Variants in KIRREL3 observed in about 807,000 individuals in gnomAD.
The protein encoded by KIRREL3 is kirre like nephrin family adhesion molecule 3, also known as kin of IRRE-like protein 3.
A neutral mutation model predicts 89.7 loss-of-function variants in KIRREL3; 36 were observed. The ratio of observed to expected loss-of-function variants is 0.40; its 90% CI spans 0.31 to 0.53. KIRREL3 has a LOEUF of 0.53. Ranked by LOEUF, KIRREL3 falls within the 20% of genes least tolerant of loss-of-function variation. KIRREL3 has a pLI of 0.49. For synonymous variants in KIRREL3, 445 were observed against 441.4 expected (o/e 1.01, Z -0.10); for missense variants, 864 against 1,056.6 (o/e 0.82, Z 2.53).
At chr11:126,823,668 C>T (rs971046060) in intron 1 of KIRREL3, among the ~76,000 whole-genome samples, 1 of 152,194 alleles carries the variant, frequency 6.6e-6, no homozygotes, top group Non-Finnish European at 1.5e-5. Flanking sequence ...AAATCAGTCT[C>T]CAGGCTTCTC....
At position 126,550,436 on chromosome 11, in the gene KIRREL3, C is replaced by G. The variant is rs1287531868; in HGVS notation, c.133+12399G>C. ...CTGAGGCGGGTGGATCACCCGAGGTCAGGAGTTTGAGACCAGCCTGCCCAA... is the reference window on the plus strand; with the variant it reads ...CTGAGGCGGGTGGATCACCCGAGGTGAGGAGTTTGAGACCAGCCTGCCCAA... On this transcript the variant is annotated intron_variant, in intron 2 of 16. Transcript: ENST00000525144. This position sits in a 1 kb window ranked among gnomAD's most constrained non-coding sequence, Gnocchi z 4.9. The G allele has an allele frequency of 6.6e-6, 1 of 152,202 alleles. No individual in the cohort carries two copies. Among genetic ancestry groups the G allele is most frequent in the Non-Finnish European group, 1.5e-5 (1 of 68,056 alleles). The allele number at this position is 152,202 out of a possible 1,614,324, so 9.4% of individuals were successfully genotyped here.
intron 1 of KIRREL3, among the ~76,000 whole-genome samples, chr11:126,886,122 G>A (rs570914493): frequency 6.6e-6 from 1 of 152,252 alleles, no homozygotes; most frequent in South Asian, 2.1e-4. Context: ...TAGTCCTAGT[G>A]AAGAGGCTAA....
At chr11:126,433,924 G>A (rs777562183) in intron 13 of KIRREL3, among the ~76,000 whole-genome samples, 1 of 152,238 alleles carries the variant, frequency 6.6e-6, no homozygotes, top group Non-Finnish European at 1.5e-5. Flanking sequence ...AGCATTGAAG[G>A]TGCCTTCCGA....
rs1331224532 is a variant in KIRREL3, at chr11:126,768,217, CCATCCATT to C, written c.56-205313_56-205306del. ...TCCATCCATCCATCCATCCATCCAT[CCATCCATT>C]CAATCTGTCCATCTGTCCATCCATA... is the stretch of plus-strand genomic sequence containing the variant. On this transcript the variant is annotated intron_variant, in intron 1 of 16. Transcript: ENST00000525144. The surrounding 1 kb of genome is among the most constrained non-coding windows in gnomAD (Gnocchi z 4.5). Among the ~76,000 whole-genome samples, 2 of 143,184 alleles carry C rather than the reference CCATCCATT, an allele frequency of 1.4e-5. No individual in the cohort carries two copies. The highest frequency in any genetic ancestry group is 2.3e-4 in the South Asian group (1 of 4,296). The allele number at this position is 143,184 out of a possible 152,430, so 93.9% of individuals were successfully genotyped here.
chr11:126,913,234 C>T (rs998940682), intron 1 of KIRREL3, among the ~76,000 whole-genome samples: 3 of 152,182 alleles, frequency 2.0e-5, no homozygotes, highest in African/African-American at 7.2e-5. Context: ...GGAAGGCAGT[C>T]ACTCCTCAAA....
chr11:126,531,121 C>A lies in KIRREL3; in HGVS notation c.134-4434G>T, dbSNP rs1297208233. Among the ~76,000 whole-genome samples, 1 of 152,196 alleles carries A rather than the reference C, an allele frequency of 6.6e-6. No individual in the cohort carries two copies. The highest frequency in any genetic ancestry group is 1.5e-5 in the Non-Finnish European group (1 of 68,034). ...GGGATTACGAGCGTGAGCCACCATG[C>A]CCGGCCCCATGCTTTGTTTTGAGTC... is the stretch of plus-strand genomic sequence containing the variant. On this transcript the variant is annotated intron_variant, in intron 2 of 16. Coordinates refer to ENST00000525144, the MANE Select transcript of KIRREL3 (RefSeq NM_032531.4). The surrounding 1 kb of genome is among the most constrained non-coding windows in gnomAD (Gnocchi z 4.7).
At chr11:126,787,069 G>A (rs1261765631) in intron 1 of KIRREL3, among the ~76,000 whole-genome samples, 1 of 152,194 alleles carries the variant, frequency 6.6e-6, no homozygotes, top group Admixed American at 6.5e-5. Flanking sequence ...CTGCATTAAT[G>A]GCAAGGAAAG....
chr11:126,725,445 C>G (rs895616716), intron 1 of KIRREL3, among the ~76,000 whole-genome samples: 1 of 152,212 alleles, frequency 6.6e-6, no homozygotes, highest in African/African-American at 2.4e-5. Context: ...TGCTAACACC[C>G]GCATGGGCAT....
chr11:126,549,711 A>G (rs2134526839), intron 2 of KIRREL3: 1 of 152,346 alleles, frequency 6.6e-6, no homozygotes, highest in South Asian at 2.1e-4. Flanking sequence ...TGCAGTTGAC[A>G]TAGTGGAGAC....
rs747492337 is a variant in KIRREL3 at position 126,684,653 on chromosome 11, C to G, written c.56-121741G>C. Among the ~76,000 whole-genome samples the G allele has an allele frequency of 3.9e-5, 6 of 152,222 alleles. No individual in the cohort carries two copies. Among genetic ancestry groups the G allele is most frequent in the Non-Finnish European group, 7.3e-5 (5 of 68,042 alleles). The stretch of plus-strand genomic sequence containing the variant: ...TAAATTCATTTCTTTGGGCCAGTCT[C>G]CTTTGTCTGCACTTGCTGAGAAGGC... On this transcript the variant is annotated intron_variant, in intron 1 of 16. Transcript: ENST00000525144. This position sits in a 1 kb window ranked among gnomAD's most constrained non-coding sequence, Gnocchi z 4.2.
rs2134665081 is a variant in KIRREL3, at chr11:126,870,463, C to T, written c.55+129992G>A. On this transcript the variant is annotated intron_variant, in intron 1 of 16. Coordinates refer to ENST00000525144, the MANE Select transcript of KIRREL3 (RefSeq NM_032531.4). The surrounding 1 kb of genome is among the most constrained non-coding windows in gnomAD (Gnocchi z 4.4). ...GAGAGCTCTCCCTGAAGCTTCCATCCCTGGCCTTTAGAGACCGAAGTCTCC... is the reference window on the plus strand; with the variant it reads ...GAGAGCTCTCCCTGAAGCTTCCATCTCTGGCCTTTAGAGACCGAAGTCTCC... 6.6e-6 allele frequency among the ~76,000 whole-genome samples: 1 copy of T among 152,298 alleles called. No homozygotes were observed. The highest frequency in any genetic ancestry group is 2.1e-4 in the South Asian group (1 of 4,824).
intron 1 of KIRREL3, among the ~76,000 whole-genome samples, chr11:126,972,168 T>TAGAGAGAGAGAGAG (rs61426707): frequency 0.077 from 9,218 of 119,506 alleles, 656 homozygotes; most frequent in South Asian, 0.11. Context: ...GAGGGTCTGG[T>TAGAGAGAGAGAGAG]AGAGAGAGAG....
intron 1 of KIRREL3, among the ~76,000 whole-genome samples, chr11:126,818,604 G>A (rs1951658539): frequency 1.4e-5 from 1 of 69,006 alleles, no homozygotes; most frequent in African/African-American, 9.9e-5. Context: ...CAGAAATTGT[G>A]TAGTAGTAGT....
rs7104836 is a variant in KIRREL3, at chr11:126,570,330, A to G, written c.56-7418T>C. Among the ~76,000 whole-genome samples, 19,572 of 152,188 alleles carry G rather than the reference A, an allele frequency of 0.13. 1,514 individuals are homozygous for G. Among genetic ancestry groups the G allele is most frequent in the African/African-American group, 0.21 (8,727 of 41,484 alleles). On this transcript the variant is annotated intron_variant, in intron 1 of 16. Coordinates refer to ENST00000525144, the MANE Select transcript of KIRREL3 (RefSeq NM_032531.4). The surrounding 1 kb of genome is among the most constrained non-coding windows in gnomAD (Gnocchi z 6.1). ...ATCAATTAGTTGTTTTAAACTATTG[A>G]TTTGTATTTAATTAACTATGCTATT...
At chr11:126,518,785 G>A (rs1958498480) in intron 4 of KIRREL3, among the ~76,000 whole-genome samples, 1 of 152,242 alleles carries the variant, frequency 6.6e-6, no homozygotes, top group South Asian at 2.1e-4. Flanking sequence ...TGCTGCACTG[G>A]GGGCCTCCTT....
intron 1 of KIRREL3, chr11:126,988,379 C>T (rs560163): frequency 0.22 from 34,233 of 152,694 alleles, 4,070 homozygotes; most frequent in African/African-American, 0.27. Context: ...ATCAGCTCTC[C>T]GTCCCAAATC....
intron 1 of KIRREL3, among the ~76,000 whole-genome samples, chr11:126,852,321 G>A (rs775076558): frequency 2.6e-5 from 4 of 152,108 alleles, no homozygotes; most frequent in African/African-American, 4.8e-5. Context: ...CAAAGCACTG[G>A]GATTACAGGC....
In KIRREL3 at chr11:126,976,045, G is replaced by C; in HGVS notation, c.55+24410C>G. Among the ~76,000 whole-genome samples the C allele has an allele frequency of 6.6e-6, 1 of 151,094 alleles. No homozygotes were observed. The highest frequency in any genetic ancestry group is 2.4e-5 in the African/African-American group (1 of 40,998). The stretch of plus-strand genomic sequence containing the variant: ...GACAGAGCATACCCATTCCAGATGT[G>C]GGTCACATCAGCAGAGGGTGCCATG... On this transcript the variant is annotated intron_variant, in intron 1 of 16. Transcript: ENST00000525144. The surrounding 1 kb of genome is among the most constrained non-coding windows in gnomAD (Gnocchi z 4.2).
rs1221706308 is a variant in KIRREL3, at chr11:126,994,682, C to T, written c.55+5773G>A. Among the ~76,000 whole-genome samples, 5 of 152,176 alleles carry T rather than the reference C, an allele frequency of 3.3e-5. No individual in the cohort carries two copies. Among genetic ancestry groups the T allele is most frequent in the Non-Finnish European group, 5.9e-5 (4 of 68,034 alleles). On this transcript the variant is annotated intron_variant, in intron 1 of 16. Transcript: ENST00000525144. This position sits in a 1 kb window ranked among gnomAD's most constrained non-coding sequence, Gnocchi z 5.2. ...GAATTAAAAAGCATAATGGTCCTAGCTCCTTCAGTGAGTTAGAAGCTATGA... is the reference window on the plus strand; with the variant it reads ...GAATTAAAAAGCATAATGGTCCTAGTTCCTTCAGTGAGTTAGAAGCTATGA...
Sources: gnomAD v4.1 joint callset for allele counts (sites outside exome capture counted in the v4.1 genomes callset) on GRCh38, gnomAD v4.1.1 for gene constraint, Gnocchi (gnomAD v3.1) non-coding constraint, MANE v1.5 for transcripts, NCBI Gene and HGNC (gene_info 2026-07-23, HGNC 2026-07-21) for gene names.